COG5: variants seen among roughly 807,000 people sequenced by gnomAD.
COG5 encodes the protein conserved oligomeric Golgi complex subunit 5.
Under a neutral mutation model 110.4 loss-of-function variants are expected in COG5, and 86 were observed. That is an observed-to-expected ratio of 0.78 (90% CI 0.65 to 0.93). COG5 has a LOEUF of 0.93. COG5 is among the 40% of genes least tolerant of loss of function. The pLI is 0.00. For missense variants in COG5, 1,077 were observed against 987.0 expected, an observed-to-expected ratio of 1.09 and a Z score of -1.22; for synonymous variants, 360 against 334.6, an observed-to-expected ratio of 1.08 and a Z score of -0.83.
rs188153580 is a variant in COG5 at position 107,399,312 on chromosome 7, A to T, written c.669+13190T>A. ...AGACACAGAAGAAAATATTTATGAT[A>T]TGGTTTGGCAGTGACCCCACCCAAA... On this transcript the variant is annotated intron_variant, in intron 7 of 21. Coordinates refer to ENST00000297135, the MANE Select transcript of COG5 (RefSeq NM_006348.5). 2.0e-3 allele frequency among the ~76,000 whole-genome samples: 305 copies of T among 152,302 alleles called. 2 individuals are homozygous for T. Among genetic ancestry groups the T allele is most frequent in the African/African-American group, 6.9e-3 (288 of 41,572 alleles).
At chr7:107,544,266 C>T (rs1802258063) in intron 5 of COG5, among the ~76,000 whole-genome samples, 1 of 152,138 alleles carries the variant, frequency 6.6e-6, no homozygotes, top group Non-Finnish European at 1.5e-5. Context: ...ACTCAGGCTC[C>T]AGGCCCATCC....
At chr7:107,563,764 C>T (rs767364364) in intron 1 of COG5, 39 bp downstream of exon 1, 2 of 1,609,414 alleles carry the variant, frequency 1.2e-6, no homozygotes, top group South Asian at 2.2e-5. Context: ...GCAGCGCAGA[C>T]CCCCAACCCC....
chr7:107,423,740 T>C (rs1793452069), intron 6 of COG5, among the ~76,000 whole-genome samples: 1 of 151,896 alleles, frequency 6.6e-6, no homozygotes, highest in Non-Finnish European at 1.5e-5. Context: ...AAACAGAATC[T>C]TGCAACATAT....
intron 10 of COG5, among the ~76,000 whole-genome samples, chr7:107,349,069 A>T (rs1036730937): frequency 6.6e-6 from 1 of 152,164 alleles, no homozygotes; most frequent in Admixed American, 6.5e-5. Flanking sequence ...AATGGATTGT[A>T]CATTGTTAAT....
intron 10 of COG5, among the ~76,000 whole-genome samples, chr7:107,333,161 G>A (rs914414517): frequency 3.3e-5 from 5 of 152,130 alleles, no homozygotes; most frequent in Non-Finnish European, 2.9e-5. Flanking sequence ...GAAGCCTGCC[G>A]ATTTGATCAA....
intron 8 of COG5, 44 bp from the exon 9 acceptor site, chr7:107,362,464 A>G: frequency 8.3e-7 from 1 of 1,209,132 alleles, no homozygotes; most frequent in Non-Finnish European, 1.2e-6. Flanking sequence ...AAGTTTTCCA[A>G]AGGCAAATAT....
chr7:107,420,379 G>T (rs1255720183), intron 6 of COG5, among the ~76,000 whole-genome samples: 2 of 152,194 alleles, frequency 1.3e-5, no homozygotes, highest in African/African-American at 4.8e-5. Flanking sequence ...TTTTGATCGG[G>T]ATAGGGAGAA....
rs1339827155 is a variant in COG5, at chr7:107,203,601, A to G, written c.2405T>C (p.Val802Ala). The G allele has an allele frequency of 3.1e-6, 5 of 1,613,674 alleles. No individual in the cohort carries two copies. The African/African-American group carries it at 5.3e-5, about 17-fold the overall frequency. The part of the protein sequence containing the change: ...RGALEAYVQS[V>A]RSREGKEFAP... ...AAATTCTTTGCCTTCTCTACTTCTC[A>G]CTGATTGAACATAAGCTTCCAGGGC... is the stretch of plus-strand genomic sequence containing the variant. Residue 802 changes from valine to alanine, a missense_variant, in exon 22 of 22, where the codon GTG becomes GCG. Coordinates refer to ENST00000297135, the MANE Select transcript of COG5 (RefSeq NM_006348.5).
At chr7:107,511,733 G>T (rs1280278327) in intron 6 of COG5, among the ~76,000 whole-genome samples, 2 of 152,146 alleles carry the variant, frequency 1.3e-5, no homozygotes, top group Admixed American at 1.3e-4. Flanking sequence ...ATGCAAGGCT[G>T]GTTTAACATA....
intron 7 of COG5, among the ~76,000 whole-genome samples, chr7:107,397,504 T>C (rs772336250): frequency 6.6e-6 from 1 of 151,944 alleles, no homozygotes; most frequent in African/African-American, 2.4e-5. Flanking sequence ...TGAAAGACAA[T>C]ATATAAAAAA....
At chr7:107,504,364 A>G (rs988059710) in intron 6 of COG5, among the ~76,000 whole-genome samples, 2 of 152,166 alleles carry the variant, frequency 1.3e-5, no homozygotes, top group African/African-American at 4.8e-5. Flanking sequence ...ATCACCATGC[A>G]TTATCTTTTT....
chr7:107,458,664 C>T (rs1795807445), intron 6 of COG5, among the ~76,000 whole-genome samples: 1 of 152,078 alleles, frequency 6.6e-6, no homozygotes, highest in South Asian at 2.1e-4. Context: ...AGACCCCAGC[C>T]TTAGGCAACA....
intron 7 of COG5, among the ~76,000 whole-genome samples, chr7:107,403,341 G>C (rs1046358353): frequency 2.0e-5 from 3 of 151,842 alleles, no homozygotes; most frequent in African/African-American, 7.3e-5. Context: ...CCAGCAGTTT[G>C]GGTATCTGAT....
intron 12 of COG5, among the ~76,000 whole-genome samples, chr7:107,297,329 T>C (rs1366497022): frequency 3.9e-5 from 6 of 152,092 alleles, no homozygotes; most frequent in Non-Finnish European, 5.9e-5. Context: ...AACCTAGAGA[T>C]GATGTGCATA....
intron 17 of COG5, among the ~76,000 whole-genome samples, chr7:107,240,230 G>C (rs1042510033): frequency 6.6e-6 from 1 of 152,038 alleles, no homozygotes; most frequent in Non-Finnish European, 1.5e-5. Context: ...TTATTTATTT[G>C]AGACAGGATC....
In COG5 at chr7:107,527,289, C is replaced by A; in HGVS notation, c.486G>T (p.Leu162=). The A allele has an allele frequency of 6.2e-7, 1 of 1,612,062 alleles. No homozygotes were observed. Among genetic ancestry groups the A allele is most frequent in the South Asian group, 1.1e-5 (1 of 90,810 alleles). The change falls in exon 6 of 22, where the codon CTG becomes CTT. Residue 162 remains leucine, a synonymous_variant. Coordinates refer to ENST00000297135, the MANE Select transcript of COG5 (RefSeq NM_006348.5). ...LNLSKRLQGQ[L]QGGSREITKA... ...TTGTTATCTCTCTACTTCCCCCTTG[C>A]AGTTGTCCTTGGAGTCTCTTACTGA... is the stretch of plus-strand genomic sequence containing the variant.
intron 6 of COG5, among the ~76,000 whole-genome samples, chr7:107,447,549 G>A (rs1275456071): frequency 6.6e-6 from 1 of 152,138 alleles, no homozygotes; most frequent in Non-Finnish European, 1.5e-5. Context: ...TATATAAGGT[G>A]TTCAGTATAT....
Position 107,283,931 on chromosome 7 carries a change from C to CTTTTTTTTTTTTTTTTT in COG5, c.1314-200_1314-199insAAAAAAAAAAAAAAAAA, listed in dbSNP as rs71522833. 3.6e-4 allele frequency among the ~76,000 whole-genome samples: 51 copies of CTTTTTTTTTTTTTTTTT among 142,662 alleles called. 2 individuals are homozygous for CTTTTTTTTTTTTTTTTT. Among genetic ancestry groups the CTTTTTTTTTTTTTTTTT allele is most frequent in the Non-Finnish European group, 4.0e-4 (26 of 64,714 alleles). 93.6% of individuals were successfully genotyped at this position (142,662 alleles called of 152,430 possible). On this transcript the variant is annotated intron_variant, in intron 12 of 21. Coordinates refer to ENST00000297135, the MANE Select transcript of COG5 (RefSeq NM_006348.5). ...ATTAAACATTCAGGACCATAGTAACCTTTTTTTTTTTGAGACGTAGTCTCA... is the reference window on the plus strand; with the variant it reads ...ATTAAACATTCAGGACCATAGTAACCTTTTTTTTTTTTTTTTTTTTTTTTTTTTGAGACGTAGTCTCA...
intron 6 of COG5, among the ~76,000 whole-genome samples, chr7:107,492,107 G>A (rs897950103): frequency 6.6e-6 from 1 of 151,312 alleles, no homozygotes; most frequent in African/African-American, 2.4e-5. Flanking sequence ...TTACAATTCT[G>A]GCACTTTTCT....
Sources: gnomAD v4.1 joint callset for allele counts (sites outside exome capture counted in the v4.1 genomes callset) on GRCh38, gnomAD v4.1.1 for gene constraint, MANE v1.5 for transcripts, NCBI Gene and HGNC (gene_info 2026-07-23, HGNC 2026-07-21) for gene names.